Variants in CDKAL1 observed in about 807,000 individuals in gnomAD.
CDKAL1 encodes the protein CDKAL1 threonylcarbamoyladenosine tRNA methylthiotransferase.
CDKAL1 carries 32 observed loss-of-function variants against 68.2 expected under a neutral mutation model. The observed-to-expected ratio is 0.47, with a 90% confidence interval of 0.35 to 0.63. The LOEUF (loss-of-function observed/expected upper bound fraction) is 0.63, where lower values mean the gene tolerates loss of function less well. CDKAL1 is among the 30% of genes least tolerant of loss of function. The pLI, the probability that CDKAL1 is intolerant of heterozygous loss-of-function variation, is 0.00. For synonymous variants in CDKAL1, 234 were observed against 244.3 expected (o/e 0.96, Z 0.39); for missense variants, 606 against 696.7 (o/e 0.87, Z 1.47).
At chr6:20,605,888 C>T (rs943238004) in intron 4 of CDKAL1, among the ~76,000 whole-genome samples, 1 of 152,192 alleles carries the variant, frequency 6.6e-6, no homozygotes, top group Non-Finnish European at 1.5e-5. Context: ...GGTCAATGCT[C>T]AGCTGAGTAC....
At chr6:20,927,026 A>G (rs1173537263) in intron 9 of CDKAL1, among the ~76,000 whole-genome samples, 1 of 151,616 alleles carries the variant, frequency 6.6e-6, no homozygotes, top group Non-Finnish European at 1.5e-5. Context: ...ATGTCTTTTG[A>G]CCATTCCTTA....
intron 9 of CDKAL1, among the ~76,000 whole-genome samples, chr6:20,920,386 G>A (rs985116908): frequency 6.6e-6 from 1 of 152,194 alleles, no homozygotes; most frequent in Non-Finnish European, 1.5e-5. Flanking sequence ...AAGATGAGAC[G>A]AGGATAGGGA....
Position 20,539,673 on chromosome 6 carries a change from C to T in CDKAL1, c.-6+4279C>T, listed in dbSNP as rs541067158. On this transcript the variant is annotated intron_variant, in intron 2 of 15. Transcript: ENST00000274695. The surrounding 1 kb of genome is among the most constrained non-coding windows in gnomAD (Gnocchi z 4.3). Reference sequence around the variant, plus strand: ...ACAAAGCCTGCATGACTGAGGGGAGCGTGGTAGGAAGTGGGGCCAGAGATG... The same window carrying T: ...ACAAAGCCTGCATGACTGAGGGGAGTGTGGTAGGAAGTGGGGCCAGAGATG... 5.3e-5 allele frequency among the ~76,000 whole-genome samples: 8 copies of T among 151,990 alleles called. No homozygotes were observed. Among genetic ancestry groups the T allele is most frequent in the South Asian group, 4.1e-4 (2 of 4,820 alleles).
chr6:20,776,831 T>C (rs1482030085), intron 7 of CDKAL1, among the ~76,000 whole-genome samples: 1 of 152,212 alleles, frequency 6.6e-6, no homozygotes, highest in Non-Finnish European at 1.5e-5. Flanking sequence ...GTGGTATTAA[T>C]GCTGGGGCTG....
intron 5 of CDKAL1, among the ~76,000 whole-genome samples, chr6:20,689,694 T>A (rs529827721): frequency 3.3e-5 from 5 of 152,288 alleles, no homozygotes; most frequent in African/African-American, 1.2e-4. Context: ...GGTTGTTACT[T>A]GTTAAAGGTT....
chr6:20,852,774 A>G (rs1460855693), intron 9 of CDKAL1, among the ~76,000 whole-genome samples: 2 of 152,198 alleles, frequency 1.3e-5, no homozygotes, highest in Non-Finnish European at 2.9e-5. Flanking sequence ...CCTTTTTACA[A>G]AGGAAACTTG....
At chr6:21,098,783 A>C (rs1297929713) in intron 12 of CDKAL1, among the ~76,000 whole-genome samples, 2 of 152,110 alleles carry the variant, frequency 1.3e-5, no homozygotes, top group Non-Finnish European at 2.9e-5. Context: ...AATTTAATAC[A>C]TGGAGATGGT....
intron 11 of CDKAL1, among the ~76,000 whole-genome samples, chr6:21,025,833 G>A (rs935271619): frequency 1.3e-5 from 2 of 151,888 alleles, no homozygotes; most frequent in Admixed American, 6.6e-5. Flanking sequence ...TTATATTATC[G>A]ACATGGTACA....
intron 4 of CDKAL1, among the ~76,000 whole-genome samples, chr6:20,568,995 C>T (rs1342695509): frequency 6.6e-6 from 1 of 152,076 alleles, no homozygotes; most frequent in Non-Finnish European, 1.5e-5. Flanking sequence ...ATTCAAAGTA[C>T]CTACCACCAT....
intron 10 of CDKAL1, among the ~76,000 whole-genome samples, chr6:20,990,560 A>G (rs1561941958): frequency 6.6e-6 from 1 of 152,250 alleles, no homozygotes; most frequent in South Asian, 2.1e-4. Context: ...TTATAGATCA[A>G]ATGTAAATTA....
intron 13 of CDKAL1, among the ~76,000 whole-genome samples, chr6:21,146,574 G>A (rs1395015718): frequency 6.6e-6 from 1 of 152,072 alleles, no homozygotes; most frequent in East Asian, 1.9e-4. Flanking sequence ...AATTTGGCCC[G>A]GCGTGGTGGC....
chr6:20,591,304 G>T (rs1385004954), intron 4 of CDKAL1, among the ~76,000 whole-genome samples: 1 of 152,094 alleles, frequency 6.6e-6, no homozygotes, highest in Non-Finnish European at 1.5e-5. Context: ...TCTGTAGGTT[G>T]CCTGTTCACT....
At chr6:20,936,148 T>C (rs1763694899) in intron 9 of CDKAL1, among the ~76,000 whole-genome samples, 1 of 152,160 alleles carries the variant, frequency 6.6e-6, no homozygotes, top group South Asian at 2.1e-4. Flanking sequence ...CATCTTTCTG[T>C]TTGTGGTTAT....
intron 11 of CDKAL1, among the ~76,000 whole-genome samples, chr6:21,034,826 A>C (rs1769483855): frequency 6.6e-6 from 1 of 152,206 alleles, no homozygotes; most frequent in South Asian, 2.1e-4. Context: ...TTGACTTGAT[A>C]AATACAAAGA....
intron 13 of CDKAL1, among the ~76,000 whole-genome samples, chr6:21,195,636 G>A (rs1338619123): frequency 2.0e-5 from 3 of 151,776 alleles, no homozygotes; most frequent in Admixed American, 6.6e-5. Context: ...TCAGCCTCTC[G>A]TGTAGCTGGG....
chr6:20,614,559 A>G (rs1194112306), intron 4 of CDKAL1, among the ~76,000 whole-genome samples: 1 of 152,180 alleles, frequency 6.6e-6, no homozygotes, highest in Non-Finnish European at 1.5e-5. Context: ...ATGTTTGTTC[A>G]GTATGAAAAA....
At chr6:20,849,067 G>A (rs918294170) in intron 9 of CDKAL1, among the ~76,000 whole-genome samples, 1 of 151,750 alleles carries the variant, frequency 6.6e-6, no homozygotes, top group Non-Finnish European at 1.5e-5. Context: ...TTACAGGTGT[G>A]AGCCACTGCA....
intron 4 of CDKAL1, among the ~76,000 whole-genome samples, chr6:20,574,071 A>G (rs1242452776): frequency 6.6e-6 from 1 of 152,180 alleles, no homozygotes; most frequent in Non-Finnish European, 1.5e-5. Context: ...TGTTTATATT[A>G]TATGAACATA....
At chr6:20,926,665 C>T (rs1763202083) in intron 9 of CDKAL1, among the ~76,000 whole-genome samples, 1 of 151,986 alleles carries the variant, frequency 6.6e-6, no homozygotes, top group Non-Finnish European at 1.5e-5. Context: ...ACTGTATGTA[C>T]TCATTCGATA....
Sources: allele counts gnomAD v4.1 joint callset (sites outside exome capture counted in the v4.1 genomes callset), GRCh38; gene constraint gnomAD v4.1.1; non-coding constraint Gnocchi (gnomAD v3.1); transcripts MANE v1.5; gene names NCBI Gene and HGNC (gene_info 2026-07-23, HGNC 2026-07-21).